Variants in ARAP1 observed in about 807,000 individuals in gnomAD.
The protein encoded by ARAP1 is arf-GAP with Rho-GAP domain, ANK repeat and PH domain-containing protein 1.
Under a neutral mutation model 172.2 loss-of-function variants are expected in ARAP1, and 76 were observed. The observed-to-expected ratio is 0.44, with a 90% confidence interval of 0.37 to 0.53. The LOEUF (loss-of-function observed/expected upper bound fraction) is 0.53, where lower values mean the gene tolerates loss of function less well. Among genes scored for constraint, ARAP1 ranks in the 20% least tolerant of loss-of-function variants. ARAP1 has a pLI of 0.00. For synonymous variants in ARAP1, 804 were observed against 803.3 expected (o/e 1.00, Z -0.01); for missense variants, 1,686 against 1,977.5 (o/e 0.85, Z 2.80).
chr11:72,706,806 A>C (rs909748420), intron 12 of ARAP1, among the ~76,000 whole-genome samples: 28 of 152,100 alleles, frequency 1.8e-4, no homozygotes, highest in Non-Finnish European at 1.5e-5. Context: ...CTCCCTCTGC[A>C]TGCAAAGCCC....
At position 72,710,495 on chromosome 11, in the gene ARAP1, G is replaced by C; in HGVS notation, c.1306C>G (p.Pro436Ala). Reference protein sequence around the residue: ...RLSSAYLLGVPGSEQPDRAGS... With the variant: ...RLSSAYLLGVAGSEQPDRAGS... ...GCGCGGTCAGGCTGCTCTGAGCCTG[G>C]AACTCCCAGCAGATAAGCGCTAGAG... Residue 436 changes from proline to alanine, a missense_variant, in exon 10 of 35, where the codon CCA (proline) becomes GCA (alanine). Transcript: ENST00000393609. This position sits in a 1 kb window ranked among gnomAD's most constrained non-coding sequence, Gnocchi z 4.3. 1 of 1,614,052 alleles carries C rather than the reference G, an allele frequency of 6.2e-7. No homozygotes were observed. Among genetic ancestry groups the C allele is most frequent in the Non-Finnish European group, 8.5e-7 (1 of 1,180,002 alleles).
chr11:72,713,508 G>A (rs1004054411), intron 4 of ARAP1, among the ~76,000 whole-genome samples: 18 of 152,334 alleles, frequency 1.2e-4, no homozygotes, highest in East Asian at 3.9e-4. Context: ...GGTAAGGACT[G>A]TCAAAGGCAA....
In ARAP1 at chr11:72,695,685, C is replaced by T; in HGVS notation, c.3420+33G>A. On this transcript the variant is annotated intron_variant, in intron 24 of 34. Coordinates refer to ENST00000393609, the MANE Select transcript of ARAP1 (RefSeq NM_001040118.3). This position sits in a 1 kb window ranked among gnomAD's most constrained non-coding sequence, Gnocchi z 4.4. ...TCACCGTCATCTGCAAGGATCACCC[C>T]TGCCCTCCACTGCCCACTGGCCAGG... The T allele has an allele frequency of 1.2e-6, 2 of 1,614,070 alleles. No individual in the cohort carries two copies. The highest frequency in any genetic ancestry group is 1.1e-5 in the South Asian group (1 of 91,064).
At position 72,710,242 on chromosome 11, in the gene ARAP1, G is replaced by A; in HGVS notation, c.1416+143C>T. On this transcript the variant is annotated intron_variant, in intron 10 of 34. Transcript: ENST00000393609. The surrounding 1 kb of genome is among the most constrained non-coding windows in gnomAD (Gnocchi z 4.3). ...GCCTGGGGGAAGTGGTCAGAACTTG[G>A]GGGAGCGAGGACATATCCAGGCAAA... 1 of 1,070,902 alleles carries A rather than the reference G, an allele frequency of 9.3e-7. No homozygotes were observed. The allele number at this position is 1,070,902 out of a possible 1,614,324, so 66.3% of individuals were successfully genotyped here. A position where few individuals can be genotyped will look rare whatever the true frequency, so the allele number is the denominator to read the frequency against.
chr11:72,707,129 A>C, intron 12 of ARAP1, 46 bp downstream of exon 12: 2 of 1,494,384 alleles, frequency 1.3e-6, no homozygotes, highest in Non-Finnish European at 1.8e-6. Flanking sequence ...CCAACTGGCC[A>C]ACCCCGCCAT....
chr11:72,687,841 CAGAG>C, intron 31 of ARAP1, 103 bp from the exon 32 acceptor site: 1 of 1,340,660 alleles, frequency 7.5e-7, no homozygotes. Context: ...GAGCCAGAGC[CAGAG>C]TTCAGAGCCT....
chr11:72,738,527 AG>A lies in ARAP1; in HGVS notation c.-127-5931del, dbSNP rs1858103660. 2.0e-5 allele frequency among the ~76,000 whole-genome samples: 3 copies of A among 152,180 alleles called. No homozygotes were observed. In the South Asian group the frequency reaches 6.2e-4, roughly 32 times the overall value. On this transcript the variant is annotated intron_variant, in intron 1 of 34. Coordinates refer to ENST00000393609, the MANE Select transcript of ARAP1 (RefSeq NM_001040118.3). ...CCTATGGGGAGCAAGGAGGGGAGGA[AG>A]GCAGGCTAGGGGTCCTAACTGAGGC...
chr11:72,695,267 G>C lies in ARAP1; in HGVS notation c.3576+120C>G. 7.1e-7 allele frequency: 1 copy of C among 1,416,528 alleles called. No homozygotes were observed. The highest frequency in any genetic ancestry group is 9.8e-7 in the Non-Finnish European group (1 of 1,015,840). 87.7% of individuals were successfully genotyped at this position (1,416,528 alleles called of 1,614,324 possible). ...TAGGAGCAGACCCCAGCACCAGCCA[G>C]ATACAGGTCCCAAACTGGTCCTCTC... On this transcript the variant is annotated intron_variant, in intron 26 of 34. Transcript: ENST00000393609. The surrounding 1 kb of genome is among the most constrained non-coding windows in gnomAD (Gnocchi z 4.4).
intron 33 of ARAP1, among the ~76,000 whole-genome samples, chr11:72,686,535 G>C (rs1855692653): frequency 6.6e-6 from 1 of 152,144 alleles, no homozygotes; most frequent in African/African-American, 2.4e-5. Context: ...AGGAAGCTCA[G>C]GGCTAAAAGA....
chr11:72,716,179 A>G (rs1297735125), intron 3 of ARAP1, among the ~76,000 whole-genome samples: 1 of 118,792 alleles, frequency 8.4e-6, no homozygotes, highest in South Asian at 3.2e-4. Context: ...TCTCAAAAAA[A>G]AAAAAAAAAA....
At position 72,701,689 on chromosome 11, in the gene ARAP1, G is replaced by C; in HGVS notation, c.2262C>G (p.Ala754=). The change falls in exon 16 of 35, where the codon GCC becomes GCG. Residue 754 remains alanine, a synonymous_variant. Coordinates refer to ENST00000393609, the MANE Select transcript of ARAP1 (RefSeq NM_001040118.3). The stretch of plus-strand genomic sequence containing the variant: ...GGTCCTGTAGCAGCTTGCCGGCAGA[G>C]GCAGTCTTGTAGAGGAAGCCACTGT... The part of the protein sequence containing the change: ...VSHSGFLYKT[A]SAGKLLQDRR... 1 of 1,613,870 alleles carries C rather than the reference G, an allele frequency of 6.2e-7. No individual in the cohort carries two copies. The highest frequency in any genetic ancestry group is 8.5e-7 in the Non-Finnish European group (1 of 1,179,838).
At chr11:72,713,360 C>G (rs1857121758) in intron 4 of ARAP1, 117 bp from the exon 5 acceptor site, 1 of 938,714 alleles carries the variant, frequency 1.1e-6, no homozygotes, top group Non-Finnish European at 1.6e-6. Flanking sequence ...CCACCTCCCC[C>G]TGGCTTTCAA....
intron 14 of ARAP1, among the ~76,000 whole-genome samples, chr11:72,703,578 G>A (rs114161019): frequency 0.019 from 2,838 of 152,310 alleles, 88 homozygotes; most frequent in African/African-American, 0.065. Context: ...GACTCCCACC[G>A]GGCTTCTAGC....
intron 32 of ARAP1, 58 bp from the exon 33 acceptor site, chr11:72,687,560 C>G (rs1315218863): frequency 6.2e-7 from 1 of 1,612,966 alleles, no homozygotes; most frequent in Admixed American, 1.7e-5. Context: ...CAGGGAACAC[C>G]GTGTCTGCCT....
In ARAP1 at chr11:72,752,235, G is replaced by C. The variant is rs369312071; in HGVS notation, c.-128+93C>G. ...TGACCCGGGGAAGCAGAAGCAGCGC[G>C]CGGCCTCGGCGTTCCTTTCTGCAGA... On this transcript the variant is annotated intron_variant, in intron 1 of 34. Coordinates refer to ENST00000393609, the MANE Select transcript of ARAP1 (RefSeq NM_001040118.3). 5 of 152,472 alleles carry C rather than the reference G, an allele frequency of 3.3e-5. No individual in the cohort carries two copies. The East Asian group carries it at 5.8e-4, about 18-fold the overall frequency. The allele number at this position is 152,472 out of a possible 1,614,324, so 9.4% of individuals were successfully genotyped here. A position where few individuals can be genotyped will look rare whatever the true frequency, so the allele number is the denominator to read the frequency against.
At chr11:72,704,418 G>C in intron 13 of ARAP1, 84 bp from the exon 14 acceptor site, 6 of 1,402,496 alleles carry the variant, frequency 4.3e-6, no homozygotes, top group Non-Finnish European at 5.7e-6. Flanking sequence ...GAGGTTGTTA[G>C]GAAAGGGGCT....
chr11:72,705,588 C>A, intron 13 of ARAP1: 2 of 466,962 alleles, frequency 4.3e-6, no homozygotes, highest in South Asian at 4.4e-5. Flanking sequence ...AAAAAAATAA[C>A]ACTTTACAAC....
chr11:72,726,802 C>T lies in ARAP1; in HGVS notation c.327G>A (p.Glu109=), dbSNP rs759586707. ...GGATGGGTGGGGCAGCGGGGAGCCC[C>T]TCATCCTCTGTAGTGGTGGGCAGCG... ...PEPLPTTTED[E]GLPAAPPIPP... Residue 109 remains glutamate (E), a synonymous_variant, in exon 3 of 35, where the codon GAG becomes GAA. Transcript: ENST00000393609. This position sits in a 1 kb window ranked among gnomAD's most constrained non-coding sequence, Gnocchi z 6.5. 3.2e-6 allele frequency: 5 copies of T among 1,556,320 alleles called. No homozygotes were observed. Among genetic ancestry groups the T allele is most frequent in the Admixed American group, 1.9e-5 (1 of 51,736 alleles).
rs1266534493 is a variant in ARAP1, at chr11:72,725,609, C to T, written c.509+1011G>A. On this transcript the variant is annotated intron_variant, in intron 3 of 34. Transcript: ENST00000393609. This position sits in a 1 kb window ranked among gnomAD's most constrained non-coding sequence, Gnocchi z 4.3. ...CCCTGGGTGGAAAGAATCTCCCAGA[C>T]CCTCCCCACAAGGCCCCCTGAGTAT... Among the ~76,000 whole-genome samples, 3 of 152,032 alleles carry T rather than the reference C, an allele frequency of 2.0e-5. No individual in the cohort carries two copies. The highest frequency in any genetic ancestry group is 7.3e-5 in the African/African-American group (3 of 41,376).
Sources: gnomAD v4.1 joint callset for allele counts (sites outside exome capture counted in the v4.1 genomes callset) on GRCh38, gnomAD v4.1.1 for gene constraint, Gnocchi (gnomAD v3.1) non-coding constraint, MANE v1.5 for transcripts, NCBI Gene and HGNC (gene_info 2026-07-23, HGNC 2026-07-21) for gene names.